The following CDH12 variants were observed in gnomAD, a reference collection of about 807,000 sequenced individuals.
The protein encoded by CDH12 is cadherin 12, also known as cadherin-12.
CDH12 carries 41 observed loss-of-function variants against 74.1 expected under a neutral mutation model. The ratio of observed to expected loss-of-function variants is 0.55; its 90% confidence interval spans 0.43 to 0.72. The LOEUF (loss-of-function observed/expected upper bound fraction) is 0.72. Ranked by LOEUF, CDH12 falls within the 30% of genes least tolerant of loss-of-function variation. The pLI, the probability that CDH12 is intolerant of heterozygous loss-of-function variation, is 0.00. For missense variants in CDH12, 945 were observed against 977.2 expected, an observed-to-expected ratio of 0.97 and a Z score of 0.44; for synonymous variants, 399 against 355.0, an observed-to-expected ratio of 1.12 and a Z score of -1.39.
chr5:22,796,344 A>G (rs1235653358), intron 1 of CDH12, among the ~76,000 whole-genome samples: 4 of 152,116 alleles, frequency 2.6e-5, no homozygotes, highest in Admixed American at 2.0e-4. Context: ...TGTCCTTGAC[A>G]ACATTTATCT....
intron 1 of CDH12, among the ~76,000 whole-genome samples, chr5:22,848,437 T>TC (rs1737404878): frequency 1.3e-5 from 2 of 152,174 alleles, no homozygotes; most frequent in African/African-American, 4.8e-5. Flanking sequence ...CAAGACTTTA[T>TC]CCCCCAATTT....
chr5:21,916,024 C>T (rs1278128812), intron 6 of CDH12, among the ~76,000 whole-genome samples: 1 of 151,860 alleles, frequency 6.6e-6, no homozygotes, highest in Non-Finnish European at 1.5e-5. Context: ...AGCAATGTGC[C>T]AATGGATCTG....
intron 6 of CDH12, among the ~76,000 whole-genome samples, chr5:21,880,612 C>CTTTCT (rs1752250410): frequency 5.7e-5 from 4 of 69,924 alleles, no homozygotes; most frequent in African/African-American, 2.0e-4. Context: ...TCCTTCCTTC[C>CTTTCT]TTCCTTCTTT....
Position 21,883,457 on chromosome 5 carries a change from T to C in CDH12, c.527-28667A>G, listed in dbSNP as rs558175463. 3 of 1,610,958 alleles carry C rather than the reference T, an allele frequency of 1.9e-6. No homozygotes were observed. The East Asian group carries it at 6.7e-5, about 36-fold the overall frequency. ...AAGCTCTAAGTACACTCATCTTGAATAGGCTAAAGGTTGGTCTTCAGGTTG... is the reference window on the plus strand; with the variant it reads ...AAGCTCTAAGTACACTCATCTTGAACAGGCTAAAGGTTGGTCTTCAGGTTG... On this transcript the variant is annotated intron_variant, in intron 6 of 14. Coordinates refer to ENST00000382254, the MANE Select transcript of CDH12 (RefSeq NM_004061.5).
intron 1 of CDH12, among the ~76,000 whole-genome samples, chr5:22,780,716 T>C (rs1479067022): frequency 6.6e-6 from 1 of 152,128 alleles, no homozygotes; most frequent in Non-Finnish European, 1.5e-5. Flanking sequence ...AGCCAAACCA[T>C]ATCAGCTATA....
chr5:22,722,668 C>T (rs1743960344), intron 1 of CDH12, among the ~76,000 whole-genome samples: 1 of 152,164 alleles, frequency 6.6e-6, no homozygotes, highest in South Asian at 2.1e-4. Flanking sequence ...AATATGCGTA[C>T]ACATAGTTGC....
intron 1 of CDH12, among the ~76,000 whole-genome samples, chr5:22,582,133 C>T (rs1740137399): frequency 6.6e-6 from 1 of 152,188 alleles, no homozygotes; most frequent in African/African-American, 2.4e-5. Context: ...GTATAATCCT[C>T]CTGTTGCTCC....
intron 6 of CDH12, among the ~76,000 whole-genome samples, chr5:21,894,382 G>GAAAAAAAAAAAAAAAAAAA (rs376989106): frequency 1.4e-5 from 1 of 73,438 alleles, no homozygotes; most frequent in African/African-American, 4.4e-5. Flanking sequence ...CCGTCTCAAA[G>GAAAAAAAAAAAAAAAAAAA]AAAAAAAAAA....
chr5:22,308,930 AGAAAGAG>A (rs1256917473), intron 3 of CDH12, among the ~76,000 whole-genome samples: 2 of 30,130 alleles, frequency 6.6e-5, no homozygotes, highest in Non-Finnish European at 2.0e-4. Context: ...GGAGAGAGAG[AGAAAGAG>A]AGAGAGAGAG....
chr5:22,647,079 T>C (rs1739473340), intron 1 of CDH12, among the ~76,000 whole-genome samples: 1 of 151,786 alleles, frequency 6.6e-6, no homozygotes, highest in Non-Finnish European at 1.5e-5. Flanking sequence ...GTGAACAATA[T>C]AAAGACCCAC....
intron 9 of CDH12, among the ~76,000 whole-genome samples, chr5:21,813,131 C>T (rs1256387876): frequency 1.3e-5 from 2 of 152,110 alleles, no homozygotes; most frequent in Non-Finnish European, 2.9e-5. Context: ...CTATTGCTTT[C>T]ATTATTTCCT....
chr5:22,829,240 G>A (rs1038670445), intron 1 of CDH12, among the ~76,000 whole-genome samples: 1 of 152,060 alleles, frequency 6.6e-6, no homozygotes, highest in East Asian at 1.9e-4. Context: ...GGAGGACTTG[G>A]GACAACTTAG....
chr5:22,852,406 G>A (rs1447599990), intron 1 of CDH12, among the ~76,000 whole-genome samples: 1 of 152,144 alleles, frequency 6.6e-6, no homozygotes. Flanking sequence ...CTTGTTAAAT[G>A]TATCACCAAA....
Position 22,212,859 on chromosome 5 carries a change from T to A in CDH12, c.-332-216A>T, listed in dbSNP as rs1435953957. The A allele has an allele frequency of 2.6e-5, 4 of 152,120 alleles. 1 individual carries two copies. Among genetic ancestry groups the A allele is most frequent in the Non-Finnish European group, 2.9e-5 (2 of 68,100 alleles). The allele number at this position is 152,120 out of a possible 1,614,324, so 9.4% of individuals were successfully genotyped here. A position where few individuals can be genotyped will look rare whatever the true frequency, so the allele number is the denominator to read the frequency against. The stretch of plus-strand genomic sequence containing the variant: ...GCAACACACGCCGAGGGTTGGTGGG[T>A]CTCCCGGGAACTGGAAAAGGCACCA... On this transcript the variant is annotated intron_variant, in intron 3 of 14. Coordinates refer to ENST00000382254, the MANE Select transcript of CDH12 (RefSeq NM_004061.5).
At chr5:22,711,565 G>C (rs1361722971) in intron 1 of CDH12, among the ~76,000 whole-genome samples, 1 of 152,032 alleles carries the variant, frequency 6.6e-6, no homozygotes, top group African/African-American at 2.4e-5. Flanking sequence ...TGACAACCAG[G>C]TCTTGTCATA....
intron 1 of CDH12, among the ~76,000 whole-genome samples, chr5:22,524,888 G>GC (rs1368083131): frequency 6.6e-6 from 1 of 151,484 alleles, no homozygotes; most frequent in African/African-American, 2.4e-5. Context: ...GTATACATGT[G>GC]CCATGTTGGT....
At chr5:22,140,488 T>C (rs1216805027) in intron 4 of CDH12, among the ~76,000 whole-genome samples, 1 of 152,066 alleles carries the variant, frequency 6.6e-6, no homozygotes. Context: ...TCCTGTATAT[T>C]TGTATGTGTT....
intron 5 of CDH12, among the ~76,000 whole-genome samples, chr5:22,070,948 G>A (rs1456987861): frequency 6.6e-6 from 1 of 151,998 alleles, no homozygotes; most frequent in Non-Finnish European, 1.5e-5. Context: ...GGACAAGGGA[G>A]GGGAGCAACA....
At chr5:22,003,839 A>AAG (rs1271765928) in intron 5 of CDH12, among the ~76,000 whole-genome samples, 2 of 151,704 alleles carry the variant, frequency 1.3e-5, no homozygotes, top group Non-Finnish European at 2.9e-5. Flanking sequence ...AAAAAAAAAA[A>AAG]AAAAAAAAAG....
Sources: allele counts gnomAD v4.1 joint callset (sites outside exome capture counted in the v4.1 genomes callset), GRCh38; gene constraint gnomAD v4.1.1; transcripts MANE v1.5; gene names NCBI Gene and HGNC (gene_info 2026-07-23, HGNC 2026-07-21).